Variants in DNAH11 observed in about 807,000 individuals in gnomAD.
The protein encoded by DNAH11 is axonemal beta dynein heavy chain 11.
Under a neutral mutation model 526.0 loss-of-function variants are expected in DNAH11, and 442 were observed. The ratio of observed to expected loss-of-function variants is 0.84; its 90% CI spans 0.78 to 0.91. The LOEUF (loss-of-function observed/expected upper bound fraction) is 0.91. Ranked by LOEUF, DNAH11 falls within the 40% of genes least tolerant of loss-of-function variation. The pLI is 0.00. For synonymous variants in DNAH11, 2,461 were observed against 1,935.9 expected, an observed-to-expected ratio of 1.27 and a Z score of -7.12; for missense variants, 6,989 against 5,448.7, an observed-to-expected ratio of 1.28 and a Z score of -8.90.
chr7:21,711,972 C>A lies in DNAH11; in HGVS notation c.6983+112C>A, dbSNP rs1031709642. On this transcript the variant is annotated intron_variant, in intron 42 of 81. Transcript: ENST00000409508. Reference sequence around the variant, plus strand: ...GTTGTTGCACAGCTGTCACCACCATCCATCTCTGGAAGGATTTTATCTTCC... The same window carrying A: ...GTTGTTGCACAGCTGTCACCACCATACATCTCTGGAAGGATTTTATCTTCC... 4 of 1,256,946 alleles carry A rather than the reference C, an allele frequency of 3.2e-6. No individual in the cohort carries two copies. In the African/African-American group the frequency reaches 6.0e-5, roughly 19 times the overall value. 77.9% of individuals were successfully genotyped at this position (1,256,946 alleles called of 1,614,324 possible). A position where few individuals can be genotyped will look rare whatever the true frequency, so the allele number is the denominator to read the frequency against.
chr7:21,825,330 C>T (rs987853319), intron 65 of DNAH11, among the ~76,000 whole-genome samples: 23 of 152,214 alleles, frequency 1.5e-4, no homozygotes, highest in African/African-American at 5.3e-4. Context: ...TACACACATT[C>T]ATGCATACAA....
chr7:21,739,942 C>A (rs1288401904), intron 48 of DNAH11, among the ~76,000 whole-genome samples: 1 of 152,072 alleles, frequency 6.6e-6, no homozygotes. Flanking sequence ...CTTGTTTTAC[C>A]CTATTATTAA....
chr7:21,685,662 A>G (rs1188059312), intron 32 of DNAH11, among the ~76,000 whole-genome samples: 1 of 152,174 alleles, frequency 6.6e-6, no homozygotes, highest in Non-Finnish European at 1.5e-5. Flanking sequence ...TGTATTGACT[A>G]GAAGGATGCC....
At chr7:21,847,545 C>G (rs1041385524) in intron 66 of DNAH11, among the ~76,000 whole-genome samples, 1 of 152,126 alleles carries the variant, frequency 6.6e-6, no homozygotes, top group Non-Finnish European at 1.5e-5. Context: ...CTGGAACATA[C>G]TTTGTATGAT....
chr7:21,698,016 G>A (rs1193484029), intron 35 of DNAH11, 59 bp from the exon 36 acceptor site: 14 of 1,525,078 alleles, frequency 9.2e-6, no homozygotes, highest in South Asian at 2.5e-5. Flanking sequence ...CTTGATTTCA[G>A]CAATTTGTAC....
At chr7:21,755,143 G>A (rs1264416530) in intron 54 of DNAH11, among the ~76,000 whole-genome samples, 1 of 152,210 alleles carries the variant, frequency 6.6e-6, no homozygotes, top group Non-Finnish European at 1.5e-5. Flanking sequence ...CACTTGGAAT[G>A]CAGAGACAAT....
intron 25 of DNAH11, among the ~76,000 whole-genome samples, chr7:21,621,723 AC>A (rs1786067535): frequency 1.3e-5 from 2 of 152,216 alleles, no homozygotes; most frequent in Non-Finnish European, 2.9e-5. Flanking sequence ...GACAAAAACC[AC>A]ATGATTATCT....
intron 69 of DNAH11, among the ~76,000 whole-genome samples, chr7:21,864,220 G>A (rs558608207): frequency 3.2e-4 from 49 of 152,174 alleles, no homozygotes; most frequent in Non-Finnish European, 6.3e-4. Context: ...TTGTGTAAGT[G>A]TTAAGACAAG....
chr7:21,866,295 C>A (rs1052726106), intron 70 of DNAH11, among the ~76,000 whole-genome samples, 175 bp from the exon 71 acceptor site: 1 of 139,630 alleles, frequency 7.2e-6, no homozygotes. Flanking sequence ...CTCAAGTGTC[C>A]TTTGAGCTTA....
chr7:21,834,684 A>T (rs755798863), intron 65 of DNAH11, among the ~76,000 whole-genome samples: 1 of 152,122 alleles, frequency 6.6e-6, no homozygotes, highest in Non-Finnish European at 1.5e-5. Flanking sequence ...AATTTTAAAA[A>T]TTATAAGATA....
Position 21,615,168 on chromosome 7 carries a change from A to G in DNAH11, c.3907A>G (p.Thr1303Ala), listed in dbSNP as rs951199503. The G allele has an allele frequency of 1.2e-6, 2 of 1,612,994 alleles. No homozygotes were observed. Among genetic ancestry groups the G allele is most frequent in the African/African-American group, 1.3e-5 (1 of 74,988 alleles). Residue 1303 changes from threonine (T) to alanine (A), a missense_variant, in exon 21 of 82, where the codon ACT (threonine) becomes GCT (alanine). By Grantham distance (58) the Thr-to-Ala change is moderately conservative. Coordinates refer to ENST00000409508, the MANE Select transcript of DNAH11 (RefSeq NM_001277115.2). ...AGAAATGTTGCAGATGCAAGAATCT[A>G]CTCGTCTTTTTGAAGTGGCTCTTCC... ...EEEMLQMQES[T>A]RLFEVALPEY...
At chr7:21,626,325 A>C (rs544237092) in intron 25 of DNAH11, among the ~76,000 whole-genome samples, 1 of 152,178 alleles carries the variant, frequency 6.6e-6, no homozygotes, top group East Asian at 1.9e-4. Flanking sequence ...ATAATATTCT[A>C]TTGTATGTAT....
intron 45 of DNAH11, 139 bp downstream of exon 45, chr7:21,726,123 C>T (rs1785093132): frequency 1.5e-5 from 13 of 887,086 alleles, no homozygotes; most frequent in Middle Eastern, 3.5e-4. Flanking sequence ...ATGATGCTGG[C>T]ATCTGCTGAG....
chr7:21,588,697 A>G (rs1308185721), intron 11 of DNAH11, 61 bp downstream of exon 11: 7 of 1,567,082 alleles, frequency 4.5e-6, no homozygotes, highest in Non-Finnish European at 6.1e-6. Context: ...CATTTTATAT[A>G]AGAGAGTGAG....
At chr7:21,628,600 T>G (rs1442740445) in intron 25 of DNAH11, among the ~76,000 whole-genome samples, 1 of 152,188 alleles carries the variant, frequency 6.6e-6, no homozygotes, top group Non-Finnish European at 1.5e-5. Flanking sequence ...ATTTGTTGAC[T>G]CACATAAGTT....
In DNAH11 at chr7:21,836,128, C is replaced by G. The variant is rs185774320; in HGVS notation, c.10692-6416C>G. Among the ~76,000 whole-genome samples the G allele has an allele frequency of 1.8e-3, 276 of 152,052 alleles. 2 individuals carry two copies. The highest frequency in any genetic ancestry group is 4.0e-3 in the Admixed American group (61 of 15,272). ...ACACAGACAAATGGAAAGATATTTC[C>G]TGTTCATGGATTGAAAGAATTAACA... On this transcript the variant is annotated intron_variant, in intron 65 of 81. Coordinates refer to ENST00000409508, the MANE Select transcript of DNAH11 (RefSeq NM_001277115.2).
At chr7:21,555,927 T>G (rs1208623827) in intron 2 of DNAH11, among the ~76,000 whole-genome samples, 1 of 152,164 alleles carries the variant, frequency 6.6e-6, no homozygotes, top group Non-Finnish European at 1.5e-5. Flanking sequence ...ACCCAAAGAA[T>G]GGACTTGGAG....
chr7:21,709,143 A>C (rs1784373212), intron 40 of DNAH11, among the ~76,000 whole-genome samples: 1 of 152,212 alleles, frequency 6.6e-6, no homozygotes. Flanking sequence ...TCACTGCAGC[A>C]CTATTCACAA....
chr7:21,656,073 G>T, intron 29 of DNAH11, 92 bp downstream of exon 29: 1 of 1,375,862 alleles, frequency 7.3e-7, no homozygotes, highest in Non-Finnish European at 9.6e-7. Flanking sequence ...ATTCAACCCA[G>T]GTCAAATCAG....
Sources: allele counts gnomAD v4.1 joint callset (sites outside exome capture counted in the v4.1 genomes callset), GRCh38; gene constraint gnomAD v4.1.1; transcripts MANE v1.5; gene names NCBI Gene and HGNC (gene_info 2026-07-23, HGNC 2026-07-21).